GPR161: variants seen among roughly 807,000 people sequenced by gnomAD.
The protein encoded by GPR161 is G-protein coupled receptor RE2.
GPR161 carries 25 observed loss-of-function variants against 39.2 expected under a neutral mutation model. The ratio of observed to expected loss-of-function variants is 0.64; its 90% CI spans 0.47 to 0.89. The LOEUF (loss-of-function observed/expected upper bound fraction) is 0.89, where lower values mean the gene tolerates loss of function less well. GPR161 is among the 40% of genes least tolerant of loss of function. The pLI, the probability that GPR161 is intolerant of heterozygous loss-of-function variation, is 0.00. For synonymous variants in GPR161, 286 were observed against 276.6 expected (o/e 1.03, Z -0.34); for missense variants, 547 against 677.8 (o/e 0.81, Z 2.14).
At chr1:168,114,556 CA>C (rs567195808) in intron 1 of GPR161, 2,363 of 123,478 alleles carry the variant, frequency 0.019, 37 homozygotes, top group African/African-American at 0.056. Context: ...GACTCTGTCT[CA>C]AAAAAAAAAA....
At chr1:168,104,953 C>G (rs1696468750) in intron 1 of GPR161, 59 bp from the exon 2 acceptor site, 1 of 1,366,750 alleles carries the variant, frequency 7.3e-7, no homozygotes, top group Admixed American at 1.9e-5. Context: ...ACATCGTCTC[C>G]ACCTTAGGGA....
In GPR161 at chr1:168,119,233, T is replaced by TATACAC. The variant is rs1558129725; in HGVS notation, c.-44-14340_-44-14339insGTGTAT. On this transcript the variant is annotated intron_variant, in intron 1 of 5. Coordinates refer to ENST00000682931, the MANE Select transcript of GPR161 (RefSeq NM_001375883.1). ...ATGTATACATATATATATACGTATA[T>TATACAC]ATATATATACACATATATATATACG... Among the ~76,000 whole-genome samples the TATACAC allele has an allele frequency of 7.7e-4, 91 of 118,842 alleles. 5 individuals carry two copies. The South Asian group carries it at 0.02, about 26-fold the overall frequency. 78.0% of individuals were successfully genotyped at this position (118,842 alleles called of 152,430 possible).
rs1198285319 is a variant in GPR161, at chr1:168,080,875, C to CTTTT, written c.*4652_*4655dup. On this transcript the variant is annotated 3_prime_UTR_variant, in exon 6 of 6. Coordinates refer to ENST00000682931, the MANE Select transcript of GPR161 (RefSeq NM_001375883.1). ...AGAGGATAGACTTTTTCTTTTTTTT[C>CTTTT]TTTTTTTAGGCGGGGTTTCGCTCTT... 1.3e-5 allele frequency: 2 copies of CTTTT among 150,744 alleles called. No homozygotes were observed. Among genetic ancestry groups the CTTTT allele is most frequent in the African/African-American group, 5.0e-5 (2 of 40,154 alleles). The allele number at this position is 150,744 out of a possible 1,614,324, so 9.3% of individuals were successfully genotyped here.
At chr1:168,130,531 C>T (rs751816491) in intron 1 of GPR161, among the ~76,000 whole-genome samples, 4 of 152,166 alleles carry the variant, frequency 2.6e-5, no homozygotes, top group Non-Finnish European at 5.9e-5. Context: ...CAAATACACT[C>T]GAGCATTTTA....
chr1:168,136,086 G>A (rs868673959), intron 1 of GPR161: 10 of 1,258,786 alleles, frequency 7.9e-6, no homozygotes, highest in Non-Finnish European at 1.0e-5. Flanking sequence ...AGGCGCCGAG[G>A]GCTGGTCGAG....
intron 1 of GPR161, among the ~76,000 whole-genome samples, chr1:168,106,477 C>A (rs1227581034): frequency 1.3e-5 from 2 of 152,200 alleles, no homozygotes; most frequent in Non-Finnish European, 2.9e-5. Context: ...GTACTCCCAG[C>A]TACTTAGCGG....
chr1:168,096,613 G>C lies in GPR161; in HGVS notation c.994C>G (p.Arg332Gly). 2 of 1,614,206 alleles carry C rather than the reference G, an allele frequency of 1.2e-6. No homozygotes were observed. The highest frequency in any genetic ancestry group is 1.7e-6 in the Non-Finnish European group (2 of 1,180,026). The part of the protein sequence containing the change: ...LIYGLWNKTV[R>G]KELLGMCFGD... ...AAGCACATGCCCAGTAGTTCTTTGC[G>C]AACTGTCTTGTTCCAGAGTCCATAG... Residue 332 changes from arginine to glycine, a missense_variant, in exon 3 of 6, where the codon CGC becomes GGC. Physicochemically the swap from Arg to Gly is moderately radical, Grantham distance 125. Coordinates refer to ENST00000682931, the MANE Select transcript of GPR161 (RefSeq NM_001375883.1).
chr1:168,137,263 C>T, upstream of GPR161: 1 of 1,493,400 alleles, frequency 6.7e-7, no homozygotes, highest in Non-Finnish European at 8.9e-7. Flanking sequence ...GCCGCTGGGA[C>T]GTCGCCTTTT....
chr1:168,101,955 C>T (rs1313832149), intron 2 of GPR161, among the ~76,000 whole-genome samples: 3 of 152,064 alleles, frequency 2.0e-5, no homozygotes. Flanking sequence ...AGGTACCTGC[C>T]ACCATGCCCA....
chr1:168,109,605 T>C (rs1302728590), intron 1 of GPR161, among the ~76,000 whole-genome samples: 1 of 152,228 alleles, frequency 6.6e-6, no homozygotes, highest in African/African-American at 2.4e-5. Context: ...CTTGAGGCTC[T>C]GGGCAGGGTA....
In GPR161 at chr1:168,085,308, A is replaced by AC. The variant is rs1694371669; in HGVS notation, c.*222dup. On this transcript the variant is annotated 3_prime_UTR_variant, in exon 6 of 6. Transcript: ENST00000682931. ...AGATGCTTCTGGTCCCATCACTGGG[A>AC]CCTAAAAGAAGCTCACATGTGGTCT... 1 of 585,738 alleles carries AC rather than the reference A, an allele frequency of 1.7e-6. No homozygotes were observed. The highest frequency in any genetic ancestry group is 1.9e-5 in the African/African-American group (1 of 52,714). 36.3% of individuals were successfully genotyped at this position (585,738 alleles called of 1,614,324 possible).
intron 1 of GPR161, among the ~76,000 whole-genome samples, chr1:168,128,605 C>G (rs2102255589): frequency 6.6e-6 from 1 of 152,282 alleles, no homozygotes; most frequent in Admixed American, 6.5e-5. Flanking sequence ...TACACATGCT[C>G]TGAGAAGACA....
chr1:168,087,978 C>A (rs989580873), intron 4 of GPR161: 7 of 327,558 alleles, frequency 2.1e-5, no homozygotes, highest in Non-Finnish European at 3.9e-5. Flanking sequence ...GACCAGACCC[C>A]AGAAGCATGG....
intron 2 of GPR161, among the ~76,000 whole-genome samples, chr1:168,097,753 A>G (rs2102144355): frequency 6.6e-6 from 1 of 152,304 alleles, no homozygotes; most frequent in Middle Eastern, 3.4e-3. Context: ...CAGACACCTG[A>G]GCCAAGTATC....
intron 1 of GPR161, among the ~76,000 whole-genome samples, chr1:168,117,345 T>C (rs1339061944): frequency 6.6e-6 from 1 of 152,238 alleles, no homozygotes; most frequent in Non-Finnish European, 1.5e-5. Context: ...CATTTGATTT[T>C]CTGAATAACT....
rs747096572 is a variant in GPR161, at chr1:168,096,711, C to A, written c.896G>T (p.Ser299Ile). Residue 299 changes from serine to isoleucine, a missense_variant, in exon 3 of 6, where the codon AGC becomes ATC. By Grantham distance (142) the Ser-to-Ile change is moderately radical (BLOSUM62 -2). Transcript: ENST00000682931. ...VIASEALWGK[S>I]SVSPSLETWA... is the part of the protein sequence containing the mutation. ...AGTCTCCAGGCTCGGGGAGACGGAG[C>A]TTTTCCCCCAGAGGGCCTCAGAGGC... The A allele has an allele frequency of 6.2e-7, 1 of 1,614,060 alleles. No individual in the cohort carries two copies. Among genetic ancestry groups the A allele is most frequent in the South Asian group, 1.1e-5 (1 of 91,066 alleles).
At chr1:168,091,543 G>A (rs1396689140) in intron 3 of GPR161, among the ~76,000 whole-genome samples, 1 of 152,146 alleles carries the variant, frequency 6.6e-6, no homozygotes, top group Non-Finnish European at 1.5e-5. Context: ...AAGCCTGCCT[G>A]CATCCCACCA....
rs569873912 is a variant in GPR161 at position 168,122,224 on chromosome 1, A to G, written c.-45+14515T>C. Among the ~76,000 whole-genome samples the G allele has an allele frequency of 7.2e-5, 11 of 152,082 alleles. No individual in the cohort carries two copies. In the South Asian group the frequency reaches 2.3e-3, roughly 32 times the overall value. ...CTTCCAGTTGTGCAGGCCCTAGACT[A>G]CGGAGTCACTCCTGGCTCCTCATTC... is the stretch of plus-strand genomic sequence containing the variant. On this transcript the variant is annotated intron_variant, in intron 1 of 5. Coordinates refer to ENST00000682931, the MANE Select transcript of GPR161 (RefSeq NM_001375883.1).
chr1:168,092,267 G>A (rs1322996542), intron 3 of GPR161, among the ~76,000 whole-genome samples: 1 of 152,206 alleles, frequency 6.6e-6, no homozygotes, highest in Admixed American at 6.5e-5. Context: ...CAGAGCCTGT[G>A]GGGGCATCTC....
Sources: allele counts gnomAD v4.1 joint callset (sites outside exome capture counted in the v4.1 genomes callset), GRCh38; gene constraint gnomAD v4.1.1; transcripts MANE v1.5; gene names NCBI Gene and HGNC (gene_info 2026-07-23, HGNC 2026-07-21).